The following PAG1 variants were observed in gnomAD, a reference collection of about 807,000 sequenced individuals.
PAG1 encodes phosphoprotein membrane anchor with glycosphingolipid microdomains 1, also known as phosphoprotein associated with glycosphingolipid-enriched microdomains 1.
Under a neutral mutation model 31.7 loss-of-function variants are expected in PAG1, and 23 were observed. The ratio of observed to expected loss-of-function variants is 0.73; its 90% CI spans 0.52 to 1.03. PAG1 has a LOEUF of 1.03. Ranked by LOEUF, PAG1 falls within the 50% of genes least tolerant of loss-of-function variation. PAG1 has a pLI of 0.00. For synonymous variants in PAG1, 214 were observed against 210.3 expected (o/e 1.02, Z -0.15); for missense variants, 473 against 540.7 (o/e 0.87, Z 1.24).
chr8:81,053,527 C>T (rs1230927464), intron 2 of PAG1, among the ~76,000 whole-genome samples: 2 of 152,316 alleles, frequency 1.3e-5, no homozygotes, highest in African/African-American at 2.4e-5. Context: ...CTGGTCTAAT[C>T]GCACATGGGG....
chr8:80,981,796 T>C (rs1807306450), intron 7 of PAG1, among the ~76,000 whole-genome samples: 1 of 151,618 alleles, frequency 6.6e-6, no homozygotes, highest in Non-Finnish European at 1.5e-5. Context: ...CTGTTGTTTC[T>C]CTCATTCTAA....
chr8:81,085,955 C>T (rs1037017061), intron 1 of PAG1, among the ~76,000 whole-genome samples: 5 of 140,990 alleles, frequency 3.5e-5, no homozygotes, highest in South Asian at 4.6e-4. Flanking sequence ...CAAGTAGTTA[C>T]GCTTTTAATC....
chr8:81,031,483 C>T (rs1808376968), intron 2 of PAG1, among the ~76,000 whole-genome samples: 1 of 152,198 alleles, frequency 6.6e-6, no homozygotes, highest in African/African-American at 2.4e-5. Flanking sequence ...TGGATTCCAA[C>T]CATAAACCTC....
At chr8:81,023,103 A>T (rs551183421) in intron 3 of PAG1, among the ~76,000 whole-genome samples, 16 of 152,184 alleles carry the variant, frequency 1.1e-4, no homozygotes, top group Non-Finnish European at 2.1e-4. Context: ...TATGGCACAT[A>T]AGAAGTGCCT....
chr8:81,038,103 C>G (rs919071789), intron 2 of PAG1, among the ~76,000 whole-genome samples: 1 of 152,164 alleles, frequency 6.6e-6, no homozygotes, highest in African/African-American at 2.4e-5. Context: ...CTGGGGATCA[C>G]TCAAGGGGTT....
chr8:81,105,137 G>A (rs10504730), intron 1 of PAG1, among the ~76,000 whole-genome samples: 18,233 of 152,058 alleles, frequency 0.12, 1,329 homozygotes, highest in East Asian at 0.21. Context: ...GCCCGGCTGC[G>A]TTAGGAAAAG....
intron 2 of PAG1, among the ~76,000 whole-genome samples, chr8:81,044,838 T>G (rs972766467): frequency 2.0e-5 from 3 of 152,226 alleles, no homozygotes; most frequent in African/African-American, 7.2e-5. Context: ...CTTCTCACAT[T>G]CCCTAAGCAT....
At chr8:81,042,675 C>T (rs1464755484) in intron 2 of PAG1, among the ~76,000 whole-genome samples, 1 of 151,852 alleles carries the variant, frequency 6.6e-6, no homozygotes, top group Non-Finnish European at 1.5e-5. Flanking sequence ...GAAGGAGGAA[C>T]AGGAGAGTCA....
chr8:81,039,559 A>G (rs780949012), intron 2 of PAG1: 6 of 152,208 alleles, frequency 3.9e-5, no homozygotes, highest in Non-Finnish European at 5.9e-5. Flanking sequence ...GAGACAATCA[A>G]TTCTGGATGT....
chr8:81,035,073 C>T (rs1312972279), intron 2 of PAG1, among the ~76,000 whole-genome samples: 1 of 151,984 alleles, frequency 6.6e-6, no homozygotes, highest in Non-Finnish European at 1.5e-5. Context: ...TTTTGGGGCC[C>T]AGCTATCGCA....
chr8:81,038,281 T>C (rs779051923), intron 2 of PAG1, among the ~76,000 whole-genome samples: 6 of 152,098 alleles, frequency 3.9e-5, no homozygotes, highest in Non-Finnish European at 8.8e-5. Flanking sequence ...TGCCAAACAT[T>C]CACAAAAATC....
intron 3 of PAG1, among the ~76,000 whole-genome samples, chr8:81,027,644 G>A (rs1808304997): frequency 6.6e-6 from 1 of 152,144 alleles, no homozygotes; most frequent in Admixed American, 6.5e-5. Context: ...GGTGGCTCAT[G>A]CCTGTAATCC....
chr8:80,975,797 AAAAAT>A lies in PAG1; in HGVS notation c.*742_*746del, dbSNP rs1807166017. The A allele has an allele frequency of 2.0e-5, 3 of 152,338 alleles. No individual in the cohort carries two copies. In the South Asian group the frequency reaches 6.2e-4, roughly 32 times the overall value. 9.4% of individuals were successfully genotyped at this position (152,338 alleles called of 1,614,324 possible). A position where few individuals can be genotyped will look rare whatever the true frequency, so the allele number is the denominator to read the frequency against. The stretch of plus-strand genomic sequence containing the variant: ...CTGGGGGAAACACGTTTTTGACTAG[AAAAAT>A]AAAATAAAGCATCTAAAACTGACTT... On this transcript the variant is annotated 3_prime_UTR_variant, in exon 9 of 9. Transcript: ENST00000220597.
chr8:80,985,717 T>C (rs946315460), intron 6 of PAG1, among the ~76,000 whole-genome samples: 12 of 152,198 alleles, frequency 7.9e-5, no homozygotes, highest in African/African-American at 2.7e-4. Flanking sequence ...CGCTGAACTA[T>C]GGGAGGCTGG....
At chr8:81,056,753 C>A (rs1808829488) in intron 2 of PAG1, among the ~76,000 whole-genome samples, 1 of 152,036 alleles carries the variant, frequency 6.6e-6, no homozygotes, top group Non-Finnish European at 1.5e-5. Flanking sequence ...TTCTGCAGAG[C>A]AAAAGAAACT....
chr8:81,002,318 C>T (rs1301687514), intron 3 of PAG1, among the ~76,000 whole-genome samples: 1 of 152,144 alleles, frequency 6.6e-6, no homozygotes, highest in Non-Finnish European at 1.5e-5. Flanking sequence ...AATCAAATTT[C>T]CTACTCGTGG....
At chr8:81,000,092 T>A (rs12679554) in intron 3 of PAG1, among the ~76,000 whole-genome samples, 7,512 of 152,254 alleles carry the variant, frequency 0.049, 195 homozygotes, top group East Asian at 0.095. Context: ...CATGGAATGT[T>A]TCAGACAGTG....
At chr8:81,070,578 G>C (rs1031544433) in intron 1 of PAG1, among the ~76,000 whole-genome samples, 6 of 151,250 alleles carry the variant, frequency 4.0e-5, no homozygotes, top group Non-Finnish European at 8.8e-5. Context: ...CAGACCCCTA[G>C]AGCCCATGTG....
At chr8:81,003,565 G>A (rs561527518) in intron 3 of PAG1, among the ~76,000 whole-genome samples, 5 of 152,250 alleles carry the variant, frequency 3.3e-5, no homozygotes, top group African/African-American at 7.2e-5. Context: ...TTGCTGCTAC[G>A]TAGAAGTACA....
Sources: allele counts gnomAD v4.1 joint callset (sites outside exome capture counted in the v4.1 genomes callset), GRCh38; gene constraint gnomAD v4.1.1; transcripts MANE v1.5; gene names NCBI Gene and HGNC (gene_info 2026-07-23, HGNC 2026-07-21).